TCF20: variants seen among roughly 807,000 people sequenced by gnomAD.
TCF20 encodes SPRE-binding protein.
A neutral mutation model predicts 148.6 loss-of-function variants in TCF20; 3 were observed. The ratio of observed to expected loss-of-function variants is 0.02; its 90% CI spans 0.01 to 0.05. The LOEUF (loss-of-function observed/expected upper bound fraction) is 0.05, where lower values mean the gene tolerates loss of function less well. Among genes scored for constraint, TCF20 ranks in the 10% least tolerant of loss-of-function variants. TCF20 has a pLI of 1.00. For synonymous variants in TCF20, 1,049 were observed against 909.5 expected (o/e 1.15, Z -2.76); for missense variants, 2,350 against 2,429.3 (o/e 0.97, Z 0.69).
rs768965900 is a variant in TCF20, at chr22:42,214,831, G to T, written c.475C>A (p.Pro159Thr). 1 of 1,614,046 alleles carries T rather than the reference G, an allele frequency of 6.2e-7. No individual in the cohort carries two copies. The highest frequency in any genetic ancestry group is 8.5e-7 in the Non-Finnish European group (1 of 1,180,006). The change falls in exon 2 of 6, where the codon CCT (proline) becomes ACT (threonine). Residue 159 changes from proline to threonine, a missense_variant. Around this residue, in one of 7 missense-constraint regions of TCF20, gnomAD observed 1,641 missense variants for 1,662.6 expected, o/e 0.99. Coordinates refer to ENST00000677622, the MANE Select transcript of TCF20 (RefSeq NM_001378418.1). ...VSHYQQDYTGPFSPGSAQYQQ... is the reference protein window; with the variant it reads ...VSHYQQDYTGTFSPGSAQYQQ... ...TACTGAGCACTCCCTGGAGAGAAAGGCCCAGTGTAATCCTGCTGATAATGT... is the reference window on the plus strand; with the variant it reads ...TACTGAGCACTCCCTGGAGAGAAAGTCCCAGTGTAATCCTGCTGATAATGT...
upstream of TCF20, chr22:42,273,994 C>A (rs1008739153): frequency 6.5e-6 from 1 of 152,692 alleles, no homozygotes; most frequent in Admixed American, 6.5e-5. Context: ...GGTGTCGGTG[C>A]CTTCAGAGCA....
At chr22:42,209,470 A>G (rs777435735) in intron 2 of TCF20, among the ~76,000 whole-genome samples, 181 bp downstream of exon 2, 1 of 152,226 alleles carries the variant, frequency 6.6e-6, no homozygotes, top group South Asian at 2.1e-4. Context: ...AAAAAATGAA[A>G]AACGATTTTA....
At position 42,215,496 on chromosome 22, in the gene TCF20, A is replaced by G. The variant is rs535536503; in HGVS notation, c.-36-155T>C. On this transcript the variant is annotated intron_variant, in intron 1 of 5. Coordinates refer to ENST00000677622, the MANE Select transcript of TCF20 (RefSeq NM_001378418.1). Reference sequence around the variant, plus strand: ...TTTTTTTTTGGTTTTTTGAGACAAGAGTCTCACTCTGTCACCCAGGCTGGA... The same window carrying G: ...TTTTTTTTTGGTTTTTTGAGACAAGGGTCTCACTCTGTCACCCAGGCTGGA... 909 of 969,912 alleles carry G rather than the reference A, an allele frequency of 9.4e-4. 2 individuals carry two copies. The highest frequency in any genetic ancestry group is 1.2e-3 in the Non-Finnish European group (857 of 690,778). 60.1% of individuals were successfully genotyped at this position (969,912 alleles called of 1,614,324 possible).
Position 42,211,363 on chromosome 22 carries a change from C to T in TCF20, c.3943G>A (p.Asp1315Asn), listed in dbSNP as rs929676419. Residue 1315 changes from aspartate (D) to asparagine (N), a missense_variant, in exon 2 of 6, where the codon GAT becomes AAT. Asp to Asn is a conservative substitution (Grantham distance 23, BLOSUM62 1). Coordinates refer to ENST00000677622, the MANE Select transcript of TCF20 (RefSeq NM_001378418.1). ...GGACTTGGAAGGTCCTTGGAGGAAT[C>T]TCTCTTAGGGATAGACTTGATATCC... ...SQDIKSIPKR[D>N]SSKDLPSPDS... The T allele has an allele frequency of 9.9e-6, 16 of 1,614,054 alleles. No individual in the cohort carries two copies. The Admixed American group carries it at 1.7e-4, about 17-fold the overall frequency.
intron 5 of TCF20, among the ~76,000 whole-genome samples, chr22:42,161,648 C>T (rs1397108158): frequency 6.6e-6 from 1 of 152,236 alleles, no homozygotes; most frequent in South Asian, 2.1e-4. Context: ...GGAACCAGTA[C>T]AGCAGAGAAC....
intron 1 of TCF20, among the ~76,000 whole-genome samples, chr22:42,320,269 T>A (rs1011450159): frequency 6.6e-6 from 1 of 152,186 alleles, no homozygotes; most frequent in Non-Finnish European, 1.5e-5. Context: ...CAGAGAGCCA[T>A]GGAATGCAGC....
At chr22:42,217,527 C>T (rs767766361) in intron 1 of TCF20, among the ~76,000 whole-genome samples, 72 of 152,214 alleles carry the variant, frequency 4.7e-4, no homozygotes, top group Admixed American at 3.7e-3. Flanking sequence ...CCTTAAAGGG[C>T]AGAAACTGAC....
At position 42,209,867 on chromosome 22, in the gene TCF20, A is replaced by C; in HGVS notation, c.5439T>G (p.Thr1813=). ...AAACAGTCTTTTCACTGCTGCCCTCAGTGGCTGCTTTTTTACAAGGGAGCC... is the reference window on the plus strand; with the variant it reads ...AAACAGTCTTTTCACTGCTGCCCTCCGTGGCTGCTTTTTTACAAGGGAGCC... ...SRGLPCKKAA[T]EGSSEKTVLD... is the part of the protein sequence containing the mutation. Residue 1813 remains threonine (T), a synonymous_variant, in exon 2 of 6, where the codon ACT becomes ACG. Coordinates refer to ENST00000677622, the MANE Select transcript of TCF20 (RefSeq NM_001378418.1). 1 of 1,614,170 alleles carries C rather than the reference A, an allele frequency of 6.2e-7. No homozygotes were observed. The highest frequency in any genetic ancestry group is 8.5e-7 in the Non-Finnish European group (1 of 1,180,016).
chr22:42,209,988 T>G lies in TCF20; in HGVS notation c.5318A>C (p.Gln1773Pro). The G allele has an allele frequency of 6.2e-7, 1 of 1,613,200 alleles. No individual in the cohort carries two copies. Among genetic ancestry groups the G allele is most frequent in the Non-Finnish European group, 8.5e-7 (1 of 1,180,022 alleles). Residue 1773 changes from glutamine to proline, a missense_variant, in exon 2 of 6, where the codon CAG (glutamine) becomes CCG (proline). Gln to Pro is a moderately conservative substitution (Grantham distance 76). Around this residue, in one of 7 missense-constraint regions of TCF20, gnomAD observed 374 missense variants for 398.3 expected, o/e 0.94. Transcript: ENST00000677622. ...DTEEEEEQQQ[Q>P]QKEQRSLAAH... is the part of the protein sequence containing the mutation. ...GGCCAGGCTTCTCTGCTCCTTCTGC[T>G]GCTGCTGCTGCTCTTCCTCCTCCTC...
chr22:42,295,587 G>C (rs1198374923), intron 1 of TCF20, among the ~76,000 whole-genome samples: 1 of 152,058 alleles, frequency 6.6e-6, no homozygotes, highest in African/African-American at 2.4e-5. Context: ...GGGATTACAG[G>C]CAGGCACCAC....
chr22:42,342,725 G>A (rs1449742724), intron 1 of TCF20, among the ~76,000 whole-genome samples: 3 of 152,158 alleles, frequency 2.0e-5, no homozygotes, highest in Non-Finnish European at 4.4e-5. Flanking sequence ...GCATTAAATT[G>A]GTGCTCCCAG....
At chr22:42,281,570 T>C (rs1926903569) in intron 1 of TCF20, among the ~76,000 whole-genome samples, 1 of 152,254 alleles carries the variant, frequency 6.6e-6, no homozygotes, top group Non-Finnish European at 1.5e-5. Flanking sequence ...CACCCTCTCC[T>C]GCCTTAGCAC....
In TCF20 at chr22:42,216,078, C is replaced by CTTTT. The variant is rs1569156309; in HGVS notation, c.-36-738_-36-737insAAAA. ...GGGTGTGGGGTAAGAAAAACCAAAT[C>CTTTT]CTTTTTTTTTTTTTTTTTTTTTTTT... On this transcript the variant is annotated intron_variant, in intron 1 of 5. Coordinates refer to ENST00000677622, the MANE Select transcript of TCF20 (RefSeq NM_001378418.1). Among the ~76,000 whole-genome samples, 7 of 53,786 alleles carry CTTTT rather than the reference C, an allele frequency of 1.3e-4. 1 individual carries two copies. The highest frequency in any genetic ancestry group is 4.9e-4 in the African/African-American group (6 of 12,178). The allele number at this position is 53,786 out of a possible 152,430, so 35.3% of individuals were successfully genotyped here. A position where few individuals can be genotyped will look rare whatever the true frequency, so the allele number is the denominator to read the frequency against.
In TCF20 at chr22:42,212,753, T is replaced by C. The variant is rs374741905; in HGVS notation, c.2553A>G (p.Ser851=). ...IPRKFEIEPQ[S]SAHEPGGSLS... is the part of the protein sequence containing the mutation. Reference sequence around the variant, plus strand: ...GGGAACCCCCAGGCTCATGTGCTGATGACTGAGGCTCTATTTCAAACTTTC... The same window carrying C: ...GGGAACCCCCAGGCTCATGTGCTGACGACTGAGGCTCTATTTCAAACTTTC... Residue 851 remains serine (S), a synonymous_variant, in exon 2 of 6, where the codon TCA becomes TCG. Coordinates refer to ENST00000677622, the MANE Select transcript of TCF20 (RefSeq NM_001378418.1). 110 of 1,614,128 alleles carry C rather than the reference T, an allele frequency of 6.8e-5. No individual in the cohort carries two copies. In the Middle Eastern group the frequency reaches 2.6e-3, roughly 39 times the overall value.
intron 1 of TCF20, among the ~76,000 whole-genome samples, chr22:42,304,392 G>C (rs1927396353): frequency 6.6e-6 from 1 of 152,152 alleles, no homozygotes; most frequent in South Asian, 2.1e-4. Context: ...AGGGACTCCT[G>C]GACGCATGCT....
intron 1 of TCF20, among the ~76,000 whole-genome samples, chr22:42,295,676 G>A (rs567902874): frequency 7.9e-5 from 12 of 152,140 alleles, no homozygotes; most frequent in Non-Finnish European, 1.3e-4. Context: ...CTAACCTCAA[G>A]TGATCCACCC....
At chr22:42,237,709 T>C (rs191810696) in intron 1 of TCF20, among the ~76,000 whole-genome samples, 91 of 152,278 alleles carry the variant, frequency 6.0e-4, no homozygotes, top group African/African-American at 2.0e-3. Context: ...AGAATAGATG[T>C]TGTGTTAGCA....
intron 1 of TCF20, among the ~76,000 whole-genome samples, chr22:42,222,412 T>C (rs1489172915): frequency 6.6e-6 from 1 of 152,204 alleles, no homozygotes; most frequent in Non-Finnish European, 1.5e-5. Context: ...TTCATCTTTC[T>C]TGGGCTAGAA....
intron 1 of TCF20, among the ~76,000 whole-genome samples, chr22:42,341,229 C>T (rs917909720): frequency 1.3e-5 from 2 of 152,190 alleles, no homozygotes; most frequent in African/African-American, 2.4e-5. Context: ...TCAGGGCAGA[C>T]GCCGTCACCC....
Sources: gnomAD v4.1 joint callset for allele counts (sites outside exome capture counted in the v4.1 genomes callset) on GRCh38, gnomAD v4.1.1 for gene constraint, gnomAD v4.1.1 regional missense constraint, MANE v1.5 for transcripts, NCBI Gene and HGNC (gene_info 2026-07-23, HGNC 2026-07-21) for gene names.